B4GALT5: variants seen among roughly 807,000 people sequenced by gnomAD.
B4GALT5 encodes the protein beta-1,4-galactosyltransferase 5, also known as UDP-Gal:beta-GlcNAc beta-1,4-galactosyltransferase 5.
B4GALT5 carries 11 observed loss-of-function variants against 45.0 expected under a neutral mutation model. That is an observed-to-expected ratio of 0.24 (90% CI 0.15 to 0.40). The LOEUF is 0.40. Ranked by LOEUF, B4GALT5 falls within the 10% of genes least tolerant of loss-of-function variation. The pLI is 1.00. For missense variants in B4GALT5, 337 were observed against 500.2 expected (o/e 0.67, Z 3.11); for synonymous variants, 185 against 182.9 (o/e 1.01, Z -0.09).
At chr20:49,655,887 C>T (rs927130605) in intron 2 of B4GALT5, among the ~76,000 whole-genome samples, 5 of 150,418 alleles carry the variant, frequency 3.3e-5, no homozygotes, top group South Asian at 4.2e-4. Context: ...CGAAATCACC[C>T]GTTGCATGCC....
At chr20:49,706,962 G>T (rs541691314) in intron 1 of B4GALT5, among the ~76,000 whole-genome samples, 1 of 152,158 alleles carries the variant, frequency 6.6e-6, no homozygotes, top group Non-Finnish European at 1.5e-5. Context: ...TGCTCTCTCA[G>T]AGAGCTCTAA....
chr20:49,642,636 C>T, intron 4 of B4GALT5, 52 bp from the exon 5 acceptor site: 1 of 1,304,816 alleles, frequency 7.7e-7, no homozygotes, highest in Non-Finnish European at 1.1e-6. Context: ...AGCTTTCACT[C>T]CTTAGCAGGA....
At chr20:49,682,487 T>A (rs2085768083) in intron 1 of B4GALT5, among the ~76,000 whole-genome samples, 1 of 152,158 alleles carries the variant, frequency 6.6e-6, no homozygotes, top group South Asian at 2.1e-4. Flanking sequence ...GTCCTGAAGA[T>A]ACCCATGCAA....
At chr20:49,659,094 T>C (rs1053686702) in intron 1 of B4GALT5, among the ~76,000 whole-genome samples, 5 of 152,168 alleles carry the variant, frequency 3.3e-5, no homozygotes, top group Admixed American at 6.5e-5. Flanking sequence ...CTCATCCATG[T>C]TCTAGCCACA....
In B4GALT5 at chr20:49,712,842, G is replaced by C. The variant is rs542234958; in HGVS notation, c.115+734C>G. ...GCCCTTGTGGGTACGCGAGGTGGGG[G>C]GGGGGGAGATGGGGAAGAGGCATGG... On this transcript the variant is annotated intron_variant, in intron 1 of 8. Transcript: ENST00000371711. Among the ~76,000 whole-genome samples the C allele has an allele frequency of 8.7e-5, 13 of 149,104 alleles. 1 individual carries two copies. Among genetic ancestry groups the C allele is most frequent in the South Asian group, 6.6e-4 (3 of 4,564 alleles).
intron 1 of B4GALT5, among the ~76,000 whole-genome samples, chr20:49,663,728 T>TATATATATATA (rs2085677144): frequency 8.9e-6 from 1 of 112,690 alleles, no homozygotes; most frequent in Non-Finnish European, 1.9e-5. Context: ...TATATATATA[T>TATATATATATA]GAAAAATGGG....
chr20:49,645,756 A>T (rs2085596496), intron 3 of B4GALT5, among the ~76,000 whole-genome samples: 1 of 152,152 alleles, frequency 6.6e-6, no homozygotes, highest in Non-Finnish European at 1.5e-5. Flanking sequence ...TCTCAAAAAT[A>T]AAAAAGTATA....
At chr20:49,674,647 G>C (rs2085730169) in intron 1 of B4GALT5, among the ~76,000 whole-genome samples, 1 of 149,796 alleles carries the variant, frequency 6.7e-6, no homozygotes, top group Non-Finnish European at 1.5e-5. Flanking sequence ...TAGTTACAGA[G>C]ACCAGACCAG....
intron 5 of B4GALT5, among the ~76,000 whole-genome samples, chr20:49,642,213 A>G (rs1357858044): frequency 1.3e-5 from 2 of 152,152 alleles, no homozygotes; most frequent in Admixed American, 1.3e-4. Context: ...AGGCACCAAC[A>G]AAACCATAAT....
At chr20:49,642,755 T>C (rs534048860) in intron 4 of B4GALT5, among the ~76,000 whole-genome samples, 171 bp from the exon 5 acceptor site, 1 of 152,368 alleles carries the variant, frequency 6.6e-6, no homozygotes, top group Admixed American at 6.5e-5. Flanking sequence ...CCCTTGGACC[T>C]AGATGAATGT....
At chr20:49,636,907 G>GACACACACACAC (rs5841760) in intron 8 of B4GALT5, among the ~76,000 whole-genome samples, 6,098 of 146,392 alleles carry the variant, frequency 0.042, 143 homozygotes, top group East Asian at 0.085. Context: ...ATTTAGAAAA[G>GACACACACACAC]ACACACACAC....
intron 2 of B4GALT5, among the ~76,000 whole-genome samples, chr20:49,650,856 A>T (rs563080432): frequency 6.6e-6 from 1 of 152,188 alleles, no homozygotes; most frequent in Non-Finnish European, 1.5e-5. Context: ...TAAAGCATGT[A>T]CCTACTGAAT....
At chr20:49,660,158 G>A (rs866605034) in intron 1 of B4GALT5, among the ~76,000 whole-genome samples, 10 of 152,048 alleles carry the variant, frequency 6.6e-5, no homozygotes, top group Non-Finnish European at 1.5e-4. Flanking sequence ...TCCAGGCTGC[G>A]CTCTCTGCAT....
chr20:49,658,313 G>A (rs547923391), intron 1 of B4GALT5, among the ~76,000 whole-genome samples: 1 of 152,102 alleles, frequency 6.6e-6, no homozygotes. Context: ...CACAGTAGGG[G>A]GGCAGTCCAC....
intron 2 of B4GALT5, among the ~76,000 whole-genome samples, chr20:49,650,551 C>T (rs574105712): frequency 1.3e-5 from 2 of 151,590 alleles, no homozygotes; most frequent in South Asian, 2.1e-4. Flanking sequence ...GAAGGAGAAT[C>T]GCTTGAACCC....
intron 6 of B4GALT5, 118 bp from the exon 7 acceptor site, chr20:49,639,918 G>A (rs1231499377): frequency 7.4e-7 from 1 of 1,358,782 alleles, no homozygotes; most frequent in East Asian, 2.4e-5. Flanking sequence ...TGAACCATAT[G>A]AATGTATCAA....
rs1323115862 is a variant in B4GALT5, at chr20:49,713,613, G to A, written c.78C>T (p.Ser26=). 5.0e-6 allele frequency: 8 copies of A among 1,590,068 alleles called. No homozygotes were observed. The Admixed American group carries it at 8.9e-5, about 18-fold the overall frequency. ...LAALFFFSLS[S]SLLYFVYVAP... The stretch of plus-strand genomic sequence containing the variant: ...CCACATAGACGAAGTACAGCAGCGA[G>A]GACGAGAGAGAAAAGAAGAAGAGCG... The change falls in exon 1 of 9, where the codon TCC becomes TCT. Residue 26 remains serine, a synonymous_variant. Coordinates refer to ENST00000371711, the MANE Select transcript of B4GALT5 (RefSeq NM_004776.4).
At chr20:49,683,053 C>CACTGCACTCCAGCCTGGTTA in intron 1 of B4GALT5, among the ~76,000 whole-genome samples, 1 of 152,028 alleles carries the variant, frequency 6.6e-6, no homozygotes, top group Non-Finnish European at 1.5e-5. Flanking sequence ...GTGATTGCAC[C>CACTGCACTCCAGCCTGGTTA]ACTGCACTCC....
At chr20:49,708,335 G>A (rs1232004427) in intron 1 of B4GALT5, among the ~76,000 whole-genome samples, 2 of 152,210 alleles carry the variant, frequency 1.3e-5, no homozygotes, top group Admixed American at 6.5e-5. Context: ...ATATATGAAA[G>A]CATCTCACTA....
Sources: allele counts gnomAD v4.1 joint callset (sites outside exome capture counted in the v4.1 genomes callset), GRCh38; gene constraint gnomAD v4.1.1; transcripts MANE v1.5; gene names NCBI Gene and HGNC (gene_info 2026-07-23, HGNC 2026-07-21).